The following NTRK2 variants were observed in gnomAD, a reference collection of about 807,000 sequenced individuals.
The protein encoded by NTRK2 is BDNF/NT-3 growth factors receptor.
NTRK2 carries 13 observed loss-of-function variants against 94.5 expected under a neutral mutation model. The observed-to-expected ratio is 0.14, with a 90% CI of 0.09 to 0.22. NTRK2 has a LOEUF of 0.22. Among genes scored for constraint, NTRK2 ranks in the 10% least tolerant of loss-of-function variants. The pLI is 1.00. For missense variants in NTRK2, 639 were observed against 1,071.2 expected, an observed-to-expected ratio of 0.60 and a Z score of 5.63; for synonymous variants, 372 against 407.4, an observed-to-expected ratio of 0.91 and a Z score of 1.05.
chr9:84,685,755 T>A (rs2131463789), intron 2 of NTRK2, among the ~76,000 whole-genome samples: 1 of 152,310 alleles, frequency 6.6e-6, no homozygotes, highest in South Asian at 2.1e-4. Flanking sequence ...AGGCCTTGGC[T>A]GTGATGTTGC....
intron 17 of NTRK2, among the ~76,000 whole-genome samples, chr9:85,019,571 T>C (rs1193643248): frequency 2.0e-5 from 3 of 152,202 alleles, no homozygotes; most frequent in Non-Finnish European, 4.4e-5. Flanking sequence ...TTATCTATTG[T>C]GGTAAATAAT....
intron 12 of NTRK2, among the ~76,000 whole-genome samples, chr9:84,837,477 TTACAGATATA>T (rs1302278174): frequency 7.2e-5 from 11 of 152,340 alleles, no homozygotes; most frequent in African/African-American, 2.2e-4. Flanking sequence ...ATAGAATTAT[TTACAGATATA>T]TATAAAGTGC....
chr9:84,973,778 A>G (rs2133162468), intron 17 of NTRK2, among the ~76,000 whole-genome samples: 1 of 152,312 alleles, frequency 6.6e-6, no homozygotes, highest in East Asian at 1.9e-4. Context: ...TCAGCTCTAA[A>G]AGTCTAATCT....
At chr9:84,830,077 C>T (rs1400085034) in intron 12 of NTRK2, among the ~76,000 whole-genome samples, 1 of 152,182 alleles carries the variant, frequency 6.6e-6, no homozygotes, top group Admixed American at 6.5e-5. Context: ...CACCTATCAT[C>T]TCGCTGGTTG....
intron 12 of NTRK2, among the ~76,000 whole-genome samples, chr9:84,757,555 A>G (rs1485794829): frequency 1.3e-5 from 2 of 152,192 alleles, no homozygotes. Flanking sequence ...CTTACGAGCT[A>G]TGTGACTTTG....
chr9:84,809,882 G>GAAA (rs35481612), intron 12 of NTRK2, among the ~76,000 whole-genome samples: 12 of 118,774 alleles, frequency 1.0e-4, no homozygotes, highest in South Asian at 5.8e-4. Flanking sequence ...ACTCTGTCTG[G>GAAA]AAAAAAAAAA....
At chr9:84,798,222 G>A (rs912564248) in intron 12 of NTRK2, among the ~76,000 whole-genome samples, 2 of 151,880 alleles carry the variant, frequency 1.3e-5, no homozygotes, top group Non-Finnish European at 2.9e-5. Flanking sequence ...TCTTTTGTGA[G>A]GACATTAATT....
intron 12 of NTRK2, among the ~76,000 whole-genome samples, chr9:84,807,405 G>A (rs372053499): frequency 1.1e-4 from 16 of 152,232 alleles, no homozygotes; most frequent in African/African-American, 3.4e-4. Context: ...TTCCTTCTCT[G>A]TTTTCAACTT....
intron 12 of NTRK2, among the ~76,000 whole-genome samples, chr9:84,832,268 G>C (rs1176262512): frequency 6.6e-5 from 10 of 152,230 alleles, no homozygotes; most frequent in Non-Finnish European, 5.9e-5. Flanking sequence ...ACACAGGGAT[G>C]CTAGGCATTT....
rs2229907 is a variant in NTRK2 at position 84,727,877 on chromosome 9, C to T, written c.1077C>T (p.Tyr359=). The T allele has an allele frequency of 3.1e-6, 5 of 1,614,078 alleles. No individual in the cohort carries two copies. The highest frequency in any genetic ancestry group is 4.2e-6 in the Non-Finnish European group (5 of 1,180,018). The change falls in exon 9 of 19, where the codon TAC becomes TAT. Residue 359 remains tyrosine (Y), a synonymous_variant. Transcript: ENST00000277120. ...DNPTHMNNGD[Y]TLIAKNEYGK... Reference sequence around the variant, plus strand: ...CCACTCACATGAACAATGGGGACTACACTCTAATAGCCAAGAATGAGTATG... The same window carrying T: ...CCACTCACATGAACAATGGGGACTATACTCTAATAGCCAAGAATGAGTATG...
At chr9:84,716,291 C>G (rs1049247580) in intron 6 of NTRK2, among the ~76,000 whole-genome samples, 1 of 152,108 alleles carries the variant, frequency 6.6e-6, no homozygotes, top group Non-Finnish European at 1.5e-5. Context: ...AAAGGCACAT[C>G]GACAAAATAC....
intron 14 of NTRK2, among the ~76,000 whole-genome samples, chr9:84,917,642 A>T (rs1564462215): frequency 6.6e-6 from 1 of 152,068 alleles, no homozygotes; most frequent in African/African-American, 2.4e-5. Flanking sequence ...GTTCTGTTGG[A>T]TTTTTCCAAG....
chr9:84,820,772 A>G (rs2072760418), intron 12 of NTRK2, among the ~76,000 whole-genome samples: 1 of 152,212 alleles, frequency 6.6e-6, no homozygotes, highest in Admixed American at 6.5e-5. Flanking sequence ...AGGTACCTCC[A>G]CAAACCAAGC....
At chr9:84,678,049 A>G (rs1431411886) in intron 2 of NTRK2, among the ~76,000 whole-genome samples, 3 of 152,174 alleles carry the variant, frequency 2.0e-5, no homozygotes, top group East Asian at 1.9e-4. Context: ...ACACACACAC[A>G]TAGACACACA....
At chr9:84,680,322 G>A (rs1187350) in intron 2 of NTRK2, among the ~76,000 whole-genome samples, 77,774 of 151,646 alleles carry the variant, frequency 0.51, 20,287 homozygotes, top group Admixed American at 0.57. Flanking sequence ...TGTGTAGATG[G>A]GATGTGAGTA....
intron 17 of NTRK2, among the ~76,000 whole-genome samples, chr9:84,970,123 G>GAA (rs1826011207): frequency 6.6e-6 from 1 of 152,156 alleles, no homozygotes; most frequent in Non-Finnish European, 1.5e-5. Flanking sequence ...GGGCATGGTG[G>GAA]TTCATGCCTG....
At chr9:84,757,289 T>C (rs956824631) in intron 12 of NTRK2, among the ~76,000 whole-genome samples, 2 of 152,230 alleles carry the variant, frequency 1.3e-5, no homozygotes, top group African/African-American at 4.8e-5. Context: ...TTCTTCTGCA[T>C]GACCATTTCC....
At chr9:84,839,749 G>A (rs375335005) in intron 12 of NTRK2, among the ~76,000 whole-genome samples, 1 of 152,328 alleles carries the variant, frequency 6.6e-6, no homozygotes, top group South Asian at 2.1e-4. Context: ...TGCTGCCCGG[G>A]AGCTATGCTG....
At chr9:84,692,678 G>T (rs1564064918) in intron 2 of NTRK2, among the ~76,000 whole-genome samples, 1 of 151,854 alleles carries the variant, frequency 6.6e-6, no homozygotes, top group Non-Finnish European at 1.5e-5. Context: ...TGTTGCTCAG[G>T]CTGGTCTCGA....
Sources: allele counts gnomAD v4.1 joint callset (sites outside exome capture counted in the v4.1 genomes callset), GRCh38; gene constraint gnomAD v4.1.1; transcripts MANE v1.5; gene names NCBI Gene and HGNC (gene_info 2026-07-23, HGNC 2026-07-21).